SGCZ: variants seen among roughly 807,000 people sequenced by gnomAD.
SGCZ encodes zeta-sarcoglycan.
Under a neutral mutation model 41.3 loss-of-function variants are expected in SGCZ, and 40 were observed. The ratio of observed to expected loss-of-function variants is 0.97; its 90% CI spans 0.75 to 1.26. The LOEUF is 1.26. Ranked by LOEUF, SGCZ falls within the 50% of genes most tolerant of loss-of-function variation. The pLI, the probability that SGCZ is intolerant of heterozygous loss-of-function variation, is 0.00. For missense variants in SGCZ, 552 were observed against 369.8 expected (o/e 1.49, Z -4.04); for synonymous variants, 206 against 137.5 (o/e 1.50, Z -3.49).
intron 1 of SGCZ, among the ~76,000 whole-genome samples, chr8:15,219,305 T>C (rs1471598119): frequency 6.6e-6 from 1 of 152,202 alleles, no homozygotes; most frequent in Non-Finnish European, 1.5e-5. Flanking sequence ...TATAAGTATG[T>C]GATTTGTATA....
chr8:14,444,078 C>T (rs1190856185), intron 2 of SGCZ, among the ~76,000 whole-genome samples: 1 of 152,134 alleles, frequency 6.6e-6, no homozygotes, highest in Non-Finnish European at 1.5e-5. Context: ...TCATCACTGG[C>T]CATCAGAGAA....
At position 14,087,714 on chromosome 8, in the gene SGCZ, T is replaced by TTAA. The variant is rs758541687; in HGVS notation, c.*2728_*2729insTTA. ...TGCAATTAAGGGACCACTATATTTT[T>TTAA]AAAAAAAAAAAAATGCTTTTTTGTG... On this transcript the variant is annotated 3_prime_UTR_variant, in exon 8 of 8. Transcript: ENST00000382080. 6.8e-6 allele frequency among the ~76,000 whole-genome samples: 1 copy of TTAA among 147,412 alleles called. No homozygotes were observed. The highest frequency in any genetic ancestry group is 2.5e-5 in the African/African-American group (1 of 40,462).
chr8:14,880,609 G>C (rs1192278437), intron 1 of SGCZ, among the ~76,000 whole-genome samples: 1 of 152,142 alleles, frequency 6.6e-6, no homozygotes, highest in African/African-American at 2.4e-5. Context: ...TACACCATGT[G>C]ATACTATGCA....
At chr8:14,551,627 ATATATTATATAT>A (rs1803869618) in intron 2 of SGCZ, among the ~76,000 whole-genome samples, 1 of 78,698 alleles carries the variant, frequency 1.3e-5, no homozygotes, top group Non-Finnish European at 2.2e-5. Flanking sequence ...CATAAAATAT[ATATATTATATAT>A]ATATAAAATA....
chr8:15,108,452 T>C (rs1806917504), intron 1 of SGCZ, among the ~76,000 whole-genome samples: 1 of 152,232 alleles, frequency 6.6e-6, no homozygotes, highest in South Asian at 2.1e-4. Context: ...GCTCTGTTAA[T>C]GAAATCAAGT....
intron 1 of SGCZ, among the ~76,000 whole-genome samples, chr8:14,640,085 T>G (rs1806972463): frequency 6.6e-6 from 1 of 151,718 alleles, no homozygotes; most frequent in African/African-American, 2.4e-5. Context: ...AACATATACT[T>G]TAAGTGCTTT....
At chr8:15,016,524 CA>C (rs1803040217) in intron 1 of SGCZ, among the ~76,000 whole-genome samples, 1 of 152,262 alleles carries the variant, frequency 6.6e-6, no homozygotes, top group African/African-American at 2.4e-5. Context: ...CGACTTCTTC[CA>C]GGGGCGTAGA....
chr8:14,760,098 T>C (rs1383215288), intron 1 of SGCZ, among the ~76,000 whole-genome samples: 1 of 152,184 alleles, frequency 6.6e-6, no homozygotes, highest in Non-Finnish European at 1.5e-5. Context: ...TGCTCTCAAA[T>C]TGAGCACGGG....
intron 1 of SGCZ, among the ~76,000 whole-genome samples, chr8:14,601,174 T>C (rs1805578629): frequency 1.3e-5 from 2 of 152,004 alleles, no homozygotes; most frequent in Non-Finnish European, 2.9e-5. Context: ...ACATTTTACA[T>C]GCAGCTATAA....
At chr8:14,487,313 C>G (rs779397236) in intron 2 of SGCZ, among the ~76,000 whole-genome samples, 4 of 152,034 alleles carry the variant, frequency 2.6e-5, no homozygotes, top group Non-Finnish European at 5.9e-5. Flanking sequence ...TGTTAAAATA[C>G]TTGCAAGTAT....
chr8:14,319,405 A>C (rs1054510420), intron 3 of SGCZ: 1 of 152,058 alleles, frequency 6.6e-6, no homozygotes, highest in Non-Finnish European at 1.5e-5. Flanking sequence ...TAAAGGCAAC[A>C]GTCAGACACC....
In SGCZ at chr8:14,951,974, A is replaced by T. The variant is rs186303593; in HGVS notation, c.39+285611T>A. Among the ~76,000 whole-genome samples, 25 of 152,194 alleles carry T rather than the reference A, an allele frequency of 1.6e-4. 1 individual carries two copies. The East Asian group carries it at 4.2e-3, about 26-fold the overall frequency. ...TGTGCCTATCATAATTTATGAATTC[A>T]TTTGATGAGAATTTTTTTCAACTAA... On this transcript the variant is annotated intron_variant, in intron 1 of 7. Coordinates refer to ENST00000382080, the MANE Select transcript of SGCZ (RefSeq NM_139167.4).
intron 1 of SGCZ, among the ~76,000 whole-genome samples, chr8:14,843,922 C>T (rs1030081400): frequency 5.3e-5 from 8 of 151,532 alleles, no homozygotes; most frequent in African/African-American, 1.9e-4. Context: ...CTGTACTATG[C>T]CTGAAATAAG....
intron 1 of SGCZ, among the ~76,000 whole-genome samples, chr8:15,109,872 A>G (rs111842402): frequency 2.0e-5 from 3 of 152,322 alleles, no homozygotes; most frequent in Middle Eastern, 3.4e-3. Flanking sequence ...AAAAAGCAAT[A>G]AGGCAATCTC....
intron 1 of SGCZ, among the ~76,000 whole-genome samples, chr8:14,765,052 T>G (rs963886466): frequency 1.3e-5 from 2 of 152,140 alleles, no homozygotes; most frequent in African/African-American, 2.4e-5. Flanking sequence ...TGCCTAGAAA[T>G]AGGCATATGT....
intron 2 of SGCZ, among the ~76,000 whole-genome samples, chr8:14,354,511 T>C (rs1030068088): frequency 5.3e-5 from 8 of 151,764 alleles, no homozygotes; most frequent in Admixed American, 1.3e-4. Flanking sequence ...AAAGAGATGA[T>C]ATTCCAACAC....
At chr8:14,509,826 G>T (rs1478516620) in intron 2 of SGCZ, among the ~76,000 whole-genome samples, 6 of 152,102 alleles carry the variant, frequency 3.9e-5, no homozygotes, top group Non-Finnish European at 1.5e-5. Context: ...TTACAAAGTG[G>T]CAGGAGAGAG....
intron 1 of SGCZ, among the ~76,000 whole-genome samples, chr8:15,108,667 A>C (rs1425057427): frequency 6.6e-6 from 1 of 152,176 alleles, no homozygotes; most frequent in Non-Finnish European, 1.5e-5. Context: ...TGTGTGACCC[A>C]TCTCTAAACC....
At chr8:14,239,446 TTCTC>T (rs1453544061) in intron 3 of SGCZ, among the ~76,000 whole-genome samples, 2 of 152,204 alleles carry the variant, frequency 1.3e-5, no homozygotes, top group African/African-American at 4.8e-5. Flanking sequence ...TATGTTCACT[TTCTC>T]TCAATATTTG....
Sources: gnomAD v4.1 joint callset for allele counts (sites outside exome capture counted in the v4.1 genomes callset) on GRCh38, gnomAD v4.1.1 for gene constraint, MANE v1.5 for transcripts, NCBI Gene and HGNC (gene_info 2026-07-23, HGNC 2026-07-21) for gene names.